The following TRPS1 variants were observed in gnomAD, a reference collection of about 807,000 sequenced individuals.
The protein encoded by TRPS1 is zinc finger transcription factor Trps1.
TRPS1 carries 6 observed loss-of-function variants against 101.2 expected under a neutral mutation model. That is an observed-to-expected ratio of 0.06 (90% confidence interval 0.03 to 0.12). The LOEUF (loss-of-function observed/expected upper bound fraction) is 0.12. Among genes scored for constraint, TRPS1 ranks in the 10% least tolerant of loss-of-function variants. TRPS1 has a pLI of 1.00. For synonymous variants in TRPS1, 578 were observed against 589.8 expected (o/e 0.98, Z 0.29); for missense variants, 1,363 against 1,567.0 (o/e 0.87, Z 2.20).
At chr8:115,516,715 T>C (rs1815720650) in intron 5 of TRPS1, among the ~76,000 whole-genome samples, 1 of 151,574 alleles carries the variant, frequency 6.6e-6, no homozygotes, top group Non-Finnish European at 1.5e-5. Flanking sequence ...GGCAAGGTAG[T>C]ATAGTTAGTC....
At chr8:115,657,015 G>A (rs1003137365) in intron 1 of TRPS1, among the ~76,000 whole-genome samples, 2 of 152,032 alleles carry the variant, frequency 1.3e-5, no homozygotes, top group African/African-American at 4.8e-5. Flanking sequence ...AGAACACAAG[G>A]TGTCAGTTTG....
intron 1 of TRPS1, among the ~76,000 whole-genome samples, chr8:115,654,429 T>C (rs1384812469): frequency 2.0e-5 from 3 of 152,210 alleles, no homozygotes; most frequent in African/African-American, 7.2e-5. Flanking sequence ...CTTATGGTTT[T>C]TCCAGCCAGA....
rs1209162400 is a variant in TRPS1 at position 115,414,548 on chromosome 8, T to C, written c.3360A>G (p.Glu1120=). The C allele has an allele frequency of 1.2e-6, 2 of 1,613,928 alleles. No homozygotes were observed. Among genetic ancestry groups the C allele is most frequent in the Non-Finnish European group, 1.7e-6 (2 of 1,179,938 alleles). ...LPFVHNDFQS[E]ADWLRFWSKY... ...TACTCCAGAACCGCAGCCAATCAGC[T>C]TCACTCTGGAAGTCATTATGTACAA... Residue 1120 remains glutamate (E), a synonymous_variant, in exon 7 of 7, where the codon GAA becomes GAG. Coordinates refer to ENST00000395715, the MANE Select transcript of TRPS1 (RefSeq NM_014112.5). This position sits in a 1 kb window ranked among gnomAD's most constrained non-coding sequence, Gnocchi z 4.8.
At chr8:115,441,421 G>T (rs573786311) in intron 5 of TRPS1, among the ~76,000 whole-genome samples, 1 of 152,138 alleles carries the variant, frequency 6.6e-6, no homozygotes, top group East Asian at 1.9e-4. Flanking sequence ...ACATATTTCT[G>T]TACTTGGCTA....
At chr8:115,620,924 A>C (rs1191033474) in intron 2 of TRPS1, among the ~76,000 whole-genome samples, 1 of 152,200 alleles carries the variant, frequency 6.6e-6, no homozygotes, top group African/African-American at 2.4e-5. Context: ...CTGACTAAGA[A>C]AGAAGATTAA....
At chr8:115,523,209 G>A (rs553226045) in intron 5 of TRPS1, among the ~76,000 whole-genome samples, 84 of 152,230 alleles carry the variant, frequency 5.5e-4, no homozygotes, top group African/African-American at 1.9e-3. Flanking sequence ...AAAGGACCGG[G>A]AAAGGCAAGA....
chr8:115,450,523 T>A lies in TRPS1; in HGVS notation c.2701-32071A>T, dbSNP rs548621121. Among the ~76,000 whole-genome samples, 331 of 147,002 alleles carry A rather than the reference T, an allele frequency of 2.3e-3. 3 individuals carry two copies. Among genetic ancestry groups the A allele is most frequent in the African/African-American group, 6.0e-3 (240 of 40,302 alleles). ...CTAGCTAATGCGCTGACTCTTTTTT[T>A]AAAAAAAAAAAACTTTTAACCCTGA... is the stretch of plus-strand genomic sequence containing the variant. On this transcript the variant is annotated intron_variant, in intron 5 of 6. Coordinates refer to ENST00000395715, the MANE Select transcript of TRPS1 (RefSeq NM_014112.5).
chr8:115,562,497 T>G (rs1308737556), intron 5 of TRPS1, among the ~76,000 whole-genome samples: 1 of 148,958 alleles, frequency 6.7e-6, no homozygotes, highest in East Asian at 2.0e-4. Context: ...AGTTGGTCAG[T>G]GTGATTGCCA....
chr8:115,623,465 C>T (rs1218749758), intron 2 of TRPS1, 136 bp downstream of exon 2: 21 of 937,364 alleles, frequency 2.2e-5, no homozygotes, highest in South Asian at 3.4e-5. Flanking sequence ...CCTAGCGAGT[C>T]GTAAGTTAGA....
At chr8:115,658,450 T>C (rs1287548573) in intron 1 of TRPS1, among the ~76,000 whole-genome samples, 2 of 152,172 alleles carry the variant, frequency 1.3e-5, no homozygotes, top group African/African-American at 2.4e-5. Context: ...TCATGGATTA[T>C]ACAGTATCCT....
At chr8:115,594,280 C>A (rs776177407) in intron 4 of TRPS1, among the ~76,000 whole-genome samples, 1 of 152,006 alleles carries the variant, frequency 6.6e-6, no homozygotes, top group African/African-American at 2.4e-5. Flanking sequence ...GCCACACTGA[C>A]AGCAAACACT....
rs1818351738 is a variant in TRPS1 at position 115,619,818 on chromosome 8, T to C, written c.280A>G (p.Ser94Gly). ...TCATAATTGAAGCCAGCCTTCTCAC[T>C]CAGAACTGCGCTTTTCAAGTCCTTC... ...SKKDLKSAVL[S>G]EKAGFNYESP... Residue 94 changes from serine to glycine, a missense_variant, in exon 3 of 7, where the codon AGT (serine) becomes GGT (glycine). Ser to Gly is a moderately conservative substitution (Grantham distance 56, BLOSUM62 0). Transcript: ENST00000395715. 1 of 1,614,086 alleles carries C rather than the reference T, an allele frequency of 6.2e-7. No homozygotes were observed. Among genetic ancestry groups the C allele is most frequent in the Admixed American group, 1.7e-5 (1 of 60,006 alleles).
chr8:115,531,585 G>A (rs909198792), intron 5 of TRPS1, among the ~76,000 whole-genome samples: 2 of 152,128 alleles, frequency 1.3e-5, no homozygotes, highest in East Asian at 1.9e-4. Flanking sequence ...TCAGAAGGAC[G>A]GATGAAAGGG....
intron 5 of TRPS1, among the ~76,000 whole-genome samples, chr8:115,508,937 C>T (rs1458827957): frequency 6.6e-6 from 1 of 151,886 alleles, no homozygotes; most frequent in Non-Finnish European, 1.5e-5. Context: ...GTAAAGTTGC[C>T]AGATAATTTC....
In TRPS1 at chr8:115,619,577, G is replaced by A. The variant is rs377527917; in HGVS notation, c.521C>T (p.Thr174Ile). The stretch of plus-strand genomic sequence containing the variant: ...ACTCTGTGCTTGCCCTGTTTCCTCT[G>A]TAGCCTTTGGTGACATCTTCTGATC... ...KEDQKMSPKA[T>I]EETGQAQSGQ... The change falls in exon 3 of 7, where the codon ACA (threonine) becomes ATA (isoleucine). Residue 174 changes from threonine (T) to isoleucine (I), a missense_variant. Physicochemically the swap from Thr to Ile is moderately conservative, Grantham distance 89. Coordinates refer to ENST00000395715, the MANE Select transcript of TRPS1 (RefSeq NM_014112.5). 4 of 1,614,116 alleles carry A rather than the reference G, an allele frequency of 2.5e-6. No individual in the cohort carries two copies. The highest frequency in any genetic ancestry group is 3.4e-6 in the Non-Finnish European group (4 of 1,180,034).
chr8:115,522,713 T>C (rs922194286), intron 5 of TRPS1, among the ~76,000 whole-genome samples: 2 of 152,144 alleles, frequency 1.3e-5, no homozygotes, highest in Admixed American at 1.3e-4. Context: ...CTACATATTA[T>C]GTTAATGTAA....
chr8:115,628,369 C>T (rs1818555974), intron 1 of TRPS1, among the ~76,000 whole-genome samples: 1 of 151,708 alleles, frequency 6.6e-6, no homozygotes, highest in Non-Finnish European at 1.5e-5. Context: ...TTAGCTACCA[C>T]CCTATTTAGT....
At chr8:115,583,024 A>G (rs1817486456) in intron 5 of TRPS1, among the ~76,000 whole-genome samples, 1 of 152,162 alleles carries the variant, frequency 6.6e-6, no homozygotes, top group African/African-American at 2.4e-5. Context: ...TCCGTATTTT[A>G]TTAACAAATG....
At chr8:115,558,988 T>C (rs2130362621) in intron 5 of TRPS1, among the ~76,000 whole-genome samples, 1 of 152,304 alleles carries the variant, frequency 6.6e-6, no homozygotes, top group South Asian at 2.1e-4. Context: ...GGTTATCAGC[T>C]GCCTTAGGGG....
Sources: gnomAD v4.1 joint callset for allele counts (sites outside exome capture counted in the v4.1 genomes callset) on GRCh38, gnomAD v4.1.1 for gene constraint, Gnocchi (gnomAD v3.1) non-coding constraint, MANE v1.5 for transcripts, NCBI Gene and HGNC (gene_info 2026-07-23, HGNC 2026-07-21) for gene names.